The following HCN1 variants were observed in gnomAD, a reference collection of about 807,000 sequenced individuals.
HCN1 encodes the protein hyperpolarization activated cyclic nucleotide gated potassium channel 1.
Under a neutral mutation model 78.9 loss-of-function variants are expected in HCN1, and 13 were observed. That is an observed-to-expected ratio of 0.16 (90% CI 0.11 to 0.26). The LOEUF is 0.26. Ranked by LOEUF, HCN1 falls within the 10% of genes least tolerant of loss-of-function variation. HCN1 has a pLI of 1.00. For synonymous variants in HCN1, 552 were observed against 455.5 expected (o/e 1.21, Z -2.70); for missense variants, 810 against 1,154.3 (o/e 0.70, Z 4.32).
chr5:45,539,014 C>A (rs1472075784), intron 2 of HCN1, among the ~76,000 whole-genome samples: 1 of 152,074 alleles, frequency 6.6e-6, no homozygotes, highest in Admixed American at 6.6e-5. Flanking sequence ...TCCTAAAGAA[C>A]CAGATTTGGA....
intron 3 of HCN1, among the ~76,000 whole-genome samples, chr5:45,400,421 G>A (rs1739769921): frequency 9.3e-6 from 1 of 107,746 alleles, no homozygotes; most frequent in African/African-American, 3.6e-5. Flanking sequence ...TTTTTGAGAT[G>A]GAGTTTCGCT....
At chr5:45,510,549 A>G (rs1742393618) in intron 2 of HCN1, among the ~76,000 whole-genome samples, 1 of 152,062 alleles carries the variant, frequency 6.6e-6, no homozygotes, top group African/African-American at 2.4e-5. Flanking sequence ...TACCAAATAT[A>G]GTGAGAATTA....
chr5:45,639,423 C>A (rs533449923), intron 2 of HCN1, among the ~76,000 whole-genome samples: 6 of 152,278 alleles, frequency 3.9e-5, no homozygotes, highest in Admixed American at 3.3e-4. Flanking sequence ...CCATATGCTT[C>A]ATTTCATTTG....
chr5:45,638,678 A>C (rs535704641), intron 2 of HCN1, among the ~76,000 whole-genome samples: 3 of 152,154 alleles, frequency 2.0e-5, no homozygotes, highest in Non-Finnish European at 4.4e-5. Context: ...CAAGGTGGGC[A>C]GATCACCTGA....
intron 2 of HCN1, among the ~76,000 whole-genome samples, chr5:45,609,209 T>A (rs1744785082): frequency 6.6e-6 from 1 of 152,118 alleles, no homozygotes; most frequent in African/African-American, 2.4e-5. Flanking sequence ...AACTTGCAAT[T>A]CTACTCTTAG....
At chr5:45,408,062 A>T (rs1287508638) in intron 3 of HCN1, among the ~76,000 whole-genome samples, 1 of 152,212 alleles carries the variant, frequency 6.6e-6, no homozygotes, top group Non-Finnish European at 1.5e-5. Context: ...ATACAGTTGT[A>T]CAATGTGCTT....
At chr5:45,661,490 C>G (rs1277533193) in intron 1 of HCN1, among the ~76,000 whole-genome samples, 1 of 110,834 alleles carries the variant, frequency 9.0e-6, no homozygotes, top group East Asian at 2.7e-4. Flanking sequence ...CACAAAAAAC[C>G]CTTCAAAAAA....
intron 3 of HCN1, among the ~76,000 whole-genome samples, chr5:45,439,437 T>C (rs933115862): frequency 2.6e-5 from 4 of 152,200 alleles, no homozygotes; most frequent in Non-Finnish European, 5.9e-5. Context: ...TGTATAGAGT[T>C]ATTTAATATT....
At chr5:45,348,059 A>T (rs1187790439) in intron 5 of HCN1, among the ~76,000 whole-genome samples, 3 of 152,132 alleles carry the variant, frequency 2.0e-5, no homozygotes, top group Admixed American at 1.3e-4. Flanking sequence ...AAGACACATA[A>T]TTGTCAGATT....
intron 2 of HCN1, among the ~76,000 whole-genome samples, chr5:45,473,837 G>A (rs182624146): frequency 7.3e-5 from 11 of 151,548 alleles, no homozygotes; most frequent in Admixed American, 2.6e-4. Flanking sequence ...GTAACCTGGC[G>A]TTTCCTATCT....
intron 2 of HCN1, among the ~76,000 whole-genome samples, chr5:45,636,792 T>G (rs974985768): frequency 2.0e-5 from 3 of 152,088 alleles, no homozygotes; most frequent in African/African-American, 7.2e-5. Flanking sequence ...GTGAGCTATA[T>G]AATCCCACCA....
intron 2 of HCN1, among the ~76,000 whole-genome samples, chr5:45,493,124 T>A (rs1224156520): frequency 1.3e-5 from 2 of 152,158 alleles, no homozygotes; most frequent in Admixed American, 1.3e-4. Flanking sequence ...ATACTGAGAC[T>A]AAATATGAGT....
intron 2 of HCN1, among the ~76,000 whole-genome samples, chr5:45,597,675 A>T (rs754586376): frequency 1.3e-5 from 2 of 152,166 alleles, no homozygotes; most frequent in Admixed American, 1.3e-4. Flanking sequence ...AAACTCCGTC[A>T]TCTCAGCCCA....
At chr5:45,460,406 G>A (rs571045131) in intron 3 of HCN1, among the ~76,000 whole-genome samples, 1 of 152,136 alleles carries the variant, frequency 6.6e-6, no homozygotes, top group Admixed American at 6.6e-5. Flanking sequence ...AGAGCAGTGA[G>A]AAATACATTT....
At chr5:45,482,504 T>C (rs938024118) in intron 2 of HCN1, among the ~76,000 whole-genome samples, 1 of 152,154 alleles carries the variant, frequency 6.6e-6, no homozygotes, top group Admixed American at 6.5e-5. Flanking sequence ...CAGCAAGACA[T>C]CTGGGGGACT....
chr5:45,660,468 ATAAATGGAC>A (rs1745906838), intron 1 of HCN1, among the ~76,000 whole-genome samples: 1 of 146,814 alleles, frequency 6.8e-6, no homozygotes, highest in African/African-American at 2.6e-5. Flanking sequence ...AACTTTAAAT[ATAAATGGAC>A]TAAATTCTGC....
chr5:45,463,265 A>C (rs1284946599), intron 2 of HCN1, among the ~76,000 whole-genome samples: 1 of 152,022 alleles, frequency 6.6e-6, no homozygotes, highest in African/African-American at 2.4e-5. Context: ...ATGACAGGGC[A>C]TCTGTGATTT....
intron 5 of HCN1, among the ~76,000 whole-genome samples, chr5:45,349,452 C>G (rs912321975): frequency 2.6e-5 from 4 of 152,018 alleles, no homozygotes; most frequent in African/African-American, 9.7e-5. Context: ...CCTAACATCA[C>G]AATTAAAAGA....
chr5:45,695,630 G>A, intron 1 of HCN1, 39 bp downstream of exon 1: 1 of 1,593,880 alleles, frequency 6.3e-7, no homozygotes, highest in Non-Finnish European at 8.6e-7. Flanking sequence ...TTCAGGGCGC[G>A]CCTGAAGGGA....
Sources: gnomAD v4.1 joint callset for allele counts (sites outside exome capture counted in the v4.1 genomes callset) on GRCh38, gnomAD v4.1.1 for gene constraint, MANE v1.5 for transcripts, NCBI Gene and HGNC (gene_info 2026-07-23, HGNC 2026-07-21) for gene names.